MYH11: variants seen among roughly 807,000 people sequenced by gnomAD.
MYH11 encodes myosin-11.
Under a neutral mutation model 246.6 loss-of-function variants are expected in MYH11, and 80 were observed. The observed-to-expected ratio is 0.32, with a 90% CI of 0.27 to 0.39. The LOEUF is 0.39. Ranked by LOEUF, MYH11 falls within the 10% of genes least tolerant of loss-of-function variation. The pLI is 1.00. For missense variants in MYH11, 2,158 were observed against 2,546.8 expected (o/e 0.85, Z 3.29); for synonymous variants, 1,071 against 1,015.5 (o/e 1.05, Z -1.04).
chr16:15,715,239 C>A lies in MYH11; in HGVS notation c.5538G>T (p.Gln1846His). Residue 1846 changes from glutamine (Q) to histidine (H), a missense_variant, in exon 39 of 41, where the codon CAG becomes CAT. Around this residue, in one of 11 missense-constraint regions of MYH11, gnomAD observed 1,013 missense variants for 993.5 expected, o/e 1.02. Coordinates refer to ENST00000300036, the MANE Select transcript of MYH11 (RefSeq NM_002474.3). The stretch of plus-strand genomic sequence containing the variant: ...AGATTTCCTTCAGCTTCTTGTCTTT[C>A]TGCTTCAGCGACTTGGTGGCCGCCT... ...EKQAATKSLKQKDKKLKEILL... is the reference protein window; with the variant it reads ...EKQAATKSLKHKDKKLKEILL... 1 of 1,614,154 alleles carries A rather than the reference C, an allele frequency of 6.2e-7. No individual in the cohort carries two copies. The highest frequency in any genetic ancestry group is 8.5e-7 in the Non-Finnish European group (1 of 1,180,036).
chr16:15,713,692 C>T (rs534500991), intron 40 of MYH11: 1 of 152,312 alleles, frequency 6.6e-6, no homozygotes, highest in African/African-American at 2.4e-5. Flanking sequence ...GAGATGGGGT[C>T]TTGCTGCTCT....
chr16:15,831,297 C>A (rs2043729373), intron 2 of MYH11, among the ~76,000 whole-genome samples: 1 of 152,076 alleles, frequency 6.6e-6, no homozygotes. Flanking sequence ...GTTCTATATT[C>A]CCTTATACAC....
intron 2 of MYH11, among the ~76,000 whole-genome samples, chr16:15,829,292 T>C (rs2043663058): frequency 6.6e-6 from 1 of 152,218 alleles, no homozygotes; most frequent in Non-Finnish European, 1.5e-5. Flanking sequence ...CCATCCTCTT[T>C]GTTTGGGACA....
chr16:15,746,734 C>G (rs968576663), intron 19 of MYH11, among the ~76,000 whole-genome samples: 1 of 152,178 alleles, frequency 6.6e-6, no homozygotes, highest in Non-Finnish European at 1.5e-5. Context: ...TTATAAATCC[C>G]ACTGGGACAC....
At chr16:15,853,110 C>T (rs916536850) in intron 1 of MYH11, among the ~76,000 whole-genome samples, 1 of 152,114 alleles carries the variant, frequency 6.6e-6, no homozygotes. Context: ...CCTCTCTGGG[C>T]CTTGTATTTT....
intron 3 of MYH11, among the ~76,000 whole-genome samples, chr16:15,811,765 G>A (rs532636362): frequency 6.6e-6 from 1 of 152,220 alleles, no homozygotes; most frequent in Non-Finnish European, 1.5e-5. Flanking sequence ...GTTGTCTTAA[G>A]CTTAAAGAGG....
intron 40 of MYH11, among the ~76,000 whole-genome samples, chr16:15,709,872 T>C (rs1364545114): frequency 1.3e-5 from 2 of 152,282 alleles, no homozygotes; most frequent in East Asian, 3.9e-4. Flanking sequence ...CTTGTACAGC[T>C]CTTGCCGGAG....
In MYH11 at chr16:15,793,615, CTTTTTTTTTTT is replaced by C. The variant is rs572455483; in HGVS notation, c.530+5034_530+5044del. Among the ~76,000 whole-genome samples, 84 of 93,788 alleles carry C rather than the reference CTTTTTTTTTTT, an allele frequency of 9.0e-4. 3 individuals carry two copies. The highest frequency in any genetic ancestry group is 2.0e-4 in the Non-Finnish European group (10 of 50,600). 61.5% of individuals were successfully genotyped at this position (93,788 alleles called of 152,430 possible). On this transcript the variant is annotated intron_variant, in intron 4 of 40. Transcript: ENST00000300036. ...GCCAATTTTCAGTTTCTTTTCTTTT[CTTTTTTTTTTT>C]TTTTTTTTTTTGAGACAGAGTCTCG...
Position 15,724,237 on chromosome 16 carries a change from T to C in MYH11, c.4289A>G (p.Asp1430Gly). Residue 1430 changes from aspartate to glycine, a missense_variant, in exon 31 of 41, where the codon GAC becomes GGC. Around this residue, in one of 11 missense-constraint regions of MYH11, gnomAD observed 1,013 missense variants for 993.5 expected, o/e 1.02. Transcript: ENST00000300036. The part of the protein sequence containing the change: ...KTKNRLQQEL[D>G]DLVVDLDNQR... ...GTTGTCCAAATCAACAACCAGGTCGTCCAGCTCCTGCTGAAGCCTGTTCTT... is the reference window on the plus strand; with the variant it reads ...GTTGTCCAAATCAACAACCAGGTCGCCCAGCTCCTGCTGAAGCCTGTTCTT... The C allele has an allele frequency of 6.2e-7, 1 of 1,614,222 alleles. No homozygotes were observed. The highest frequency in any genetic ancestry group is 1.1e-5 in the South Asian group (1 of 91,084).
At chr16:15,787,623 A>C (rs1430862473) in intron 4 of MYH11, among the ~76,000 whole-genome samples, 1 of 150,672 alleles carries the variant, frequency 6.6e-6, no homozygotes, top group East Asian at 2.0e-4. Flanking sequence ...ACAGGCACCC[A>C]CCAGCACACT....
chr16:15,728,385 A>G (rs1859825341), intron 27 of MYH11, among the ~76,000 whole-genome samples: 1 of 152,186 alleles, frequency 6.6e-6, no homozygotes, highest in South Asian at 2.1e-4. Context: ...AAAAACCAAC[A>G]ACAACGAAAG....
intron 4 of MYH11, among the ~76,000 whole-genome samples, chr16:15,793,639 A>ATTTTTTT (rs2042670050): frequency 1.5e-5 from 1 of 67,842 alleles, no homozygotes; most frequent in East Asian, 3.8e-4. Context: ...TTTTTTTTTG[A>ATTTTTTT]GACAGAGTCT....
chr16:15,852,754 C>G (rs543727693), intron 1 of MYH11, among the ~76,000 whole-genome samples: 1 of 152,110 alleles, frequency 6.6e-6, no homozygotes, highest in Non-Finnish European at 1.5e-5. Flanking sequence ...TATAATTAGA[C>G]AAAAAGTCCA....
At chr16:15,744,166 G>A (rs1386146230) in intron 20 of MYH11, among the ~76,000 whole-genome samples, 1 of 151,508 alleles carries the variant, frequency 6.6e-6, no homozygotes, top group Non-Finnish European at 1.5e-5. Context: ...CAGTCTGGAT[G>A]CTCTCTAATT....
At chr16:15,718,632 TC>T in intron 36 of MYH11, 194 bp from the exon 37 acceptor site, 1 of 800,674 alleles carries the variant, frequency 1.2e-6, no homozygotes, top group South Asian at 1.8e-5. Context: ...CGGGTCCGTG[TC>T]AGCAAAGCTG....
chr16:15,829,347 C>T (rs902615396), intron 2 of MYH11, among the ~76,000 whole-genome samples: 1 of 152,194 alleles, frequency 6.6e-6, no homozygotes, highest in African/African-American at 2.4e-5. Flanking sequence ...ATCCATACTT[C>T]CAGGTAGATC....
chr16:15,771,838 A>G, intron 8 of MYH11, 126 bp from the exon 9 acceptor site: 1 of 1,263,700 alleles, frequency 7.9e-7, no homozygotes, highest in Non-Finnish European at 1.1e-6. Flanking sequence ...TGAACCGTTT[A>G]AAGCCCTCAC....
At chr16:15,816,179 C>A (rs948996388) in intron 3 of MYH11, among the ~76,000 whole-genome samples, 4 of 152,062 alleles carry the variant, frequency 2.6e-5, no homozygotes, top group African/African-American at 7.2e-5. Flanking sequence ...AACAAGGAAT[C>A]CACTATGAAA....
chr16:15,745,418 C>T (rs2041390355), intron 19 of MYH11, among the ~76,000 whole-genome samples, 181 bp from the exon 20 acceptor site: 1 of 152,124 alleles, frequency 6.6e-6, no homozygotes, highest in African/African-American at 2.4e-5. Context: ...AAATCATCTA[C>T]AGGACAGAGC....
Sources: gnomAD v4.1 joint callset for allele counts (sites outside exome capture counted in the v4.1 genomes callset) on GRCh38, gnomAD v4.1.1 for gene constraint, gnomAD v4.1.1 regional missense constraint, MANE v1.5 for transcripts, NCBI Gene and HGNC (gene_info 2026-07-23, HGNC 2026-07-21) for gene names.